Variants in GEMIN5 observed in about 807,000 individuals in gnomAD.
GEMIN5 encodes gem nuclear organelle associated protein 5.
A neutral mutation model predicts 176.9 loss-of-function variants in GEMIN5; 124 were observed. The ratio of observed to expected loss-of-function variants is 0.70; its 90% CI spans 0.61 to 0.81. The LOEUF (loss-of-function observed/expected upper bound fraction) is 0.81. Ranked by LOEUF, GEMIN5 falls within the 40% of genes least tolerant of loss-of-function variation. The pLI, the probability that GEMIN5 is intolerant of heterozygous loss-of-function variation, is 0.00. For synonymous variants in GEMIN5, 673 were observed against 665.2 expected (o/e 1.01, Z -0.18); for missense variants, 1,843 against 1,814.6 (o/e 1.02, Z -0.28).
At chr5:154,906,529 G>T (rs1763571966) in intron 16 of GEMIN5, among the ~76,000 whole-genome samples, 1 of 152,058 alleles carries the variant, frequency 6.6e-6, no homozygotes, top group Admixed American at 6.5e-5. Context: ...AAAACAACTT[G>T]TTGATCCATG....
rs372563784 is a variant in GEMIN5 at position 154,908,337 on chromosome 5, C to T, written c.2168-519G>A. On this transcript the variant is annotated intron_variant, in intron 15 of 27. Transcript: ENST00000285873. ...CTGGGATTACAGGCACGCACAACCA[C>T]GCCCAGCTAATTTTTGTATTTTCAG... Among the ~76,000 whole-genome samples the T allele has an allele frequency of 3.5e-4, 53 of 152,144 alleles. No homozygotes were observed. In the East Asian group the frequency reaches 7.5e-3, roughly 22 times the overall value.
At position 154,891,420 on chromosome 5, in the gene GEMIN5, T is replaced by C. The variant is rs778387710; in HGVS notation, c.4083A>G (p.Ser1361=). Residue 1361 remains serine (S), a synonymous_variant, in exon 26 of 28, where the codon TCA becomes TCG. Coordinates refer to ENST00000285873, the MANE Select transcript of GEMIN5 (RefSeq NM_015465.5). The part of the protein sequence containing the change: ...RMLSTFKELF[S]EKHASLQNSQ... ...AGTTTTGGAGACTGGCATGCTTTTC[T>C]GAAAAGAGCTCCTTAAAAGTACTCA... is the stretch of plus-strand genomic sequence containing the variant. 12 of 1,614,200 alleles carry C rather than the reference T, an allele frequency of 7.4e-6. No homozygotes were observed. The South Asian group carries it at 1.3e-4, about 18-fold the overall frequency.
intron 21 of GEMIN5, among the ~76,000 whole-genome samples, chr5:154,899,670 T>C (rs376655829): frequency 1.3e-5 from 2 of 152,128 alleles, no homozygotes; most frequent in African/African-American, 4.8e-5. Flanking sequence ...AAAGCAGTGA[T>C]TGGGAAACCT....
At chr5:154,889,235 G>A (rs1763175432) in intron 27 of GEMIN5, 86 bp downstream of exon 27, 4 of 730,508 alleles carry the variant, frequency 5.5e-6, no homozygotes, top group South Asian at 4.7e-5. Flanking sequence ...TGAACAGAGA[G>A]GTAGCTGACC....
Position 154,924,491 on chromosome 5 carries a change from AT to A in GEMIN5, c.1356del (p.Leu453CysfsTer24). On this transcript the variant is annotated frameshift_variant, in exon 9 of 28. Transcript: ENST00000285873. LOFTEE classifies it high-confidence loss of function. ...LAFGTDDGKVGLYDTYSNKPP... is the reference protein window; with the variant it reads ...LAFGTDDGKVXLYDTYSNKPP... ...TACTTGTTGGAGTAGGTGTCATACA[AT>A]CCCACTTTTCCATCATCAGTTCCAA... is the stretch of plus-strand genomic sequence containing the variant. The A allele has an allele frequency of 1.2e-6, 2 of 1,610,460 alleles. No individual in the cohort carries two copies. Among genetic ancestry groups the A allele is most frequent in the Non-Finnish European group, 1.7e-6 (2 of 1,176,740 alleles).
chr5:154,894,092 G>A (rs1315508288), intron 24 of GEMIN5, among the ~76,000 whole-genome samples: 1 of 151,990 alleles, frequency 6.6e-6, no homozygotes, highest in African/African-American at 2.4e-5. Flanking sequence ...TTACAGGCTT[G>A]TGCTACCACA....
intron 11 of GEMIN5, among the ~76,000 whole-genome samples, chr5:154,918,880 C>T (rs892627544): frequency 3.3e-5 from 5 of 151,784 alleles, no homozygotes; most frequent in African/African-American, 1.2e-4. Context: ...CCTGTCTCTA[C>T]TAAAGACACA....
In GEMIN5 at chr5:154,927,408, G is replaced by T. The variant is rs772264790; in HGVS notation, c.1057C>A (p.Leu353Ile). 13 of 1,580,622 alleles carry T rather than the reference G, an allele frequency of 8.2e-6. No homozygotes were observed. Among genetic ancestry groups the T allele is most frequent in the Non-Finnish European group, 1.1e-5 (13 of 1,149,518 alleles). ...LQTEDDKQLL[L>I]STSMDRDVKC... The stretch of plus-strand genomic sequence containing the variant: ...ACATCTCTATCCATTGATGTAGAAA[G>T]TAATAGCTGTTTGTCATCCTCTGTT... Residue 353 changes from leucine to isoleucine, a missense_variant, in exon 7 of 28, where the codon CTT becomes ATT. Physicochemically the swap from Leu to Ile is conservative, Grantham distance 5. Coordinates refer to ENST00000285873, the MANE Select transcript of GEMIN5 (RefSeq NM_015465.5).
intron 18 of GEMIN5, among the ~76,000 whole-genome samples, chr5:154,903,445 G>A (rs946346825): frequency 6.6e-6 from 1 of 152,050 alleles, no homozygotes; most frequent in Non-Finnish European, 1.5e-5. Flanking sequence ...AATATTCACT[G>A]GGACTTACCA....
intron 4 of GEMIN5, 121 bp from the exon 5 acceptor site, chr5:154,931,698 T>C (rs953722750): frequency 3.8e-6 from 3 of 783,298 alleles, no homozygotes; most frequent in South Asian, 3.9e-5. Flanking sequence ...ACTATAAAAT[T>C]TGAAGTTTTA....
Position 154,928,071 on chromosome 5 carries a change from G to A in GEMIN5, c.914+456C>T, listed in dbSNP as rs12658626. On this transcript the variant is annotated intron_variant, in intron 6 of 27. Coordinates refer to ENST00000285873, the MANE Select transcript of GEMIN5 (RefSeq NM_015465.5). ...GAAAGACAGTTTATTATATACTTTC[G>A]TTCTTCTTGAACCATGTGAGTATAT... is the stretch of plus-strand genomic sequence containing the variant. Among the ~76,000 whole-genome samples, 65 of 152,184 alleles carry A rather than the reference G, an allele frequency of 4.3e-4. 1 individual carries two copies. In the East Asian group the frequency reaches 9.6e-3, roughly 23 times the overall value.
chr5:154,902,404 C>T, intron 20 of GEMIN5, 135 bp downstream of exon 20: 1 of 765,194 alleles, frequency 1.3e-6, no homozygotes, highest in Non-Finnish European at 2.1e-6. Context: ...ATTAGTTTGT[C>T]TATTGCTGTC....
intron 24 of GEMIN5, among the ~76,000 whole-genome samples, chr5:154,895,114 A>C (rs919613057): frequency 6.6e-6 from 1 of 151,986 alleles, no homozygotes; most frequent in Non-Finnish European, 1.5e-5. Context: ...AAAGAAAAGA[A>C]AAAAAGAAAC....
intron 6 of GEMIN5, among the ~76,000 whole-genome samples, chr5:154,927,852 A>C (rs772328558): frequency 6.6e-6 from 1 of 151,794 alleles, no homozygotes; most frequent in Non-Finnish European, 1.5e-5. Flanking sequence ...TTAGTTGGGC[A>C]TGGTGGTGCA....
chr5:154,896,335 T>C lies in GEMIN5; in HGVS notation c.3354A>G (p.Arg1118=), dbSNP rs1455396002. 6.3e-7 allele frequency: 1 copy of C among 1,577,468 alleles called. No homozygotes were observed. The highest frequency in any genetic ancestry group is 8.6e-7 in the Non-Finnish European group (1 of 1,164,398). ...LQLHESLQGQ[R]LVFCLLELLS... The stretch of plus-strand genomic sequence containing the variant: ...GTAGCTCCAGAAGGCAAAACACCAA[T>C]CTCTGACCCTGGAACACGACAACAA... The change falls in exon 24 of 28, where the codon AGA becomes AGG. Residue 1118 remains arginine, a synonymous_variant. Coordinates refer to ENST00000285873, the MANE Select transcript of GEMIN5 (RefSeq NM_015465.5).
At chr5:154,908,980 G>T (rs190944395) in intron 15 of GEMIN5, among the ~76,000 whole-genome samples, 50 of 152,096 alleles carry the variant, frequency 3.3e-4, no homozygotes, top group Admixed American at 3.9e-4. Context: ...TTTGAGACAG[G>T]TTCTTGCTCT....
At chr5:154,890,344 A>T (rs1210647735) in intron 26 of GEMIN5, among the ~76,000 whole-genome samples, 3 of 152,142 alleles carry the variant, frequency 2.0e-5, no homozygotes, top group Admixed American at 2.0e-4. Context: ...TATTTTTTAA[A>T]AATTTAAACT....
chr5:154,904,357 G>A, intron 18 of GEMIN5, 150 bp downstream of exon 18: 1 of 645,224 alleles, frequency 1.5e-6, no homozygotes, highest in Non-Finnish European at 2.7e-6. Flanking sequence ...AGGGGTATAG[G>A]GATGTGGAGG....
chr5:154,909,336 T>G (rs939672079), intron 15 of GEMIN5, among the ~76,000 whole-genome samples: 6 of 151,962 alleles, frequency 3.9e-5, no homozygotes, highest in African/African-American at 1.2e-4. Context: ...TGGCATCTAG[T>G]TGGCATCCTA....
Sources: gnomAD v4.1 joint callset for allele counts (sites outside exome capture counted in the v4.1 genomes callset) on GRCh38, gnomAD v4.1.1 for gene constraint, MANE v1.5 for transcripts, NCBI Gene and HGNC (gene_info 2026-07-23, HGNC 2026-07-21) for gene names.